FBN1: variants seen among roughly 807,000 people sequenced by gnomAD.
FBN1 encodes fibrillin-1.
In FBN1, 29 loss-of-function variants were observed where a neutral mutation model predicts 365.1. That is an observed-to-expected ratio of 0.08 (90% CI 0.06 to 0.11). The LOEUF is 0.11. Ranked by LOEUF, FBN1 falls within the 10% of genes least tolerant of loss-of-function variation. The probability of loss-of-function intolerance (pLI) is 1.00; values close to 1 mark genes in which losing one functional copy is unlikely to be tolerated. For missense variants in FBN1, 2,476 were observed against 3,703.2 expected, an observed-to-expected ratio of 0.67 and a Z score of 8.60; for synonymous variants, 1,210 against 1,270.5, an observed-to-expected ratio of 0.95 and a Z score of 1.01.
chr15:48,499,672 C>T (rs2043638536), intron 17 of FBN1, among the ~76,000 whole-genome samples: 1 of 152,072 alleles, frequency 6.6e-6, no homozygotes. Context: ...AATATGTCCC[C>T]AAATTTGAGA....
intron 2 of FBN1, among the ~76,000 whole-genome samples, chr15:48,621,280 G>A (rs1889760454): frequency 6.6e-6 from 1 of 152,130 alleles, no homozygotes; most frequent in Admixed American, 6.5e-5. Flanking sequence ...AAAGGGAGGG[G>A]GAGGAAGTGG....
At chr15:48,478,526 T>C (rs1043519474) in intron 32 of FBN1, among the ~76,000 whole-genome samples, 5 of 152,000 alleles carry the variant, frequency 3.3e-5, no homozygotes, top group Non-Finnish European at 5.9e-5. Context: ...GGTAGGGTCT[T>C]AAAATTAGCT....
intron 6 of FBN1, among the ~76,000 whole-genome samples, chr15:48,549,432 C>T (rs1166601451): frequency 1.3e-5 from 2 of 152,164 alleles, no homozygotes. Flanking sequence ...GGGATAGAGA[C>T]CAGCTGGCTC....
At chr15:48,426,306 GGTTTTTT>G (rs949707642) in intron 58 of FBN1, among the ~76,000 whole-genome samples, 5 of 152,000 alleles carry the variant, frequency 3.3e-5, no homozygotes, top group South Asian at 2.1e-4. Context: ...AAATAAGTAA[GGTTTTTT>G]GTTTTTTGTT....
chr15:48,465,895 T>C, intron 38 of FBN1, 37 bp from the exon 39 acceptor site: 1 of 1,447,332 alleles, frequency 6.9e-7, no homozygotes, highest in Non-Finnish European at 9.7e-7. Context: ...TTGTTTTGAA[T>C]CTAAAGTTTT....
intron 30 of FBN1, 47 bp from the exon 31 acceptor site, chr15:48,483,990 A>G (rs780214108): frequency 3.1e-6 from 5 of 1,602,382 alleles, no homozygotes; most frequent in Non-Finnish European, 3.4e-6. Flanking sequence ...TATTGGTTCC[A>G]CTGTTCAGTG....
intron 6 of FBN1, among the ~76,000 whole-genome samples, chr15:48,540,350 GTGTTT>G (rs1178427658): frequency 1.3e-5 from 2 of 152,086 alleles, no homozygotes; most frequent in Admixed American, 1.3e-4. Flanking sequence ...ATGCATGTGT[GTGTTT>G]TATTTTTTTA....
chr15:48,426,939 T>C (rs2042983509), intron 58 of FBN1, among the ~76,000 whole-genome samples: 2 of 152,076 alleles, frequency 1.3e-5, no homozygotes, highest in Admixed American at 6.6e-5. Flanking sequence ...CACTTCTAAT[T>C]CCCTCCCAAG....
chr15:48,487,427 C>T lies in FBN1; in HGVS notation c.3348G>A (p.Glu1116=), dbSNP rs1183230087. ...GGCATAGGAGAGGATCTCTCTGACA[C>T]TCATCAATATCTGCAAAATGGAAAT... is the stretch of plus-strand genomic sequence containing the variant. ...MMMKNCMDID[E]CQRDPLLCRG... is the part of the protein sequence containing the mutation. Residue 1116 remains glutamate (E), a synonymous_variant, in exon 28 of 66, where the codon GAG becomes GAA. Transcript: ENST00000316623. 1 of 1,613,894 alleles carries T rather than the reference C, an allele frequency of 6.2e-7. No individual in the cohort carries two copies. The highest frequency in any genetic ancestry group is 8.5e-7 in the Non-Finnish European group (1 of 1,180,002).
At chr15:48,625,044 G>A (rs1484872830) in intron 2 of FBN1, among the ~76,000 whole-genome samples, 1 of 152,192 alleles carries the variant, frequency 6.6e-6, no homozygotes, top group Admixed American at 6.5e-5. Flanking sequence ...TCAGACTTAG[G>A]AGAAAGAAAG....
chr15:48,597,923 G>A (rs1248453255), intron 5 of FBN1, among the ~76,000 whole-genome samples: 4 of 152,174 alleles, frequency 2.6e-5, no homozygotes, highest in African/African-American at 9.7e-5. Flanking sequence ...TTGGGCATTG[G>A]GCTAAACTCC....
chr15:48,460,081 C>T (rs75308823), intron 43 of FBN1, among the ~76,000 whole-genome samples, 165 bp downstream of exon 43: 3,471 of 152,288 alleles, frequency 0.023, 67 homozygotes, highest in East Asian at 0.084. Flanking sequence ...TGGAGCTGCA[C>T]AGGGTGTTTG....
intron 63 of FBN1, 139 bp downstream of exon 63, chr15:48,420,548 G>C: frequency 9.5e-7 from 1 of 1,054,670 alleles, no homozygotes; most frequent in Non-Finnish European, 1.4e-6. Context: ...TACTTACCTC[G>C]GGTTTCAACC....
intron 9 of FBN1, among the ~76,000 whole-genome samples, 168 bp downstream of exon 9, chr15:48,525,962 G>T (rs1473488174): frequency 6.6e-6 from 1 of 152,126 alleles, no homozygotes; most frequent in African/African-American, 2.4e-5. Flanking sequence ...TGACCACAAG[G>T]TGCCTCTGTT....
chr15:48,457,510 GGCT>G (rs2043250175), intron 43 of FBN1, among the ~76,000 whole-genome samples: 1 of 152,142 alleles, frequency 6.6e-6, no homozygotes, highest in Non-Finnish European at 1.5e-5. Context: ...CCAGGATCCA[GGCT>G]GCTAAGGCAG....
At chr15:48,439,060 C>T (rs898979613) in intron 50 of FBN1, among the ~76,000 whole-genome samples, 1 of 152,194 alleles carries the variant, frequency 6.6e-6, no homozygotes, top group African/African-American at 2.4e-5. Flanking sequence ...ACCACCTAAG[C>T]ACTTCTGTTA....
chr15:48,563,266 G>A (rs1306794472), intron 6 of FBN1, among the ~76,000 whole-genome samples: 3 of 152,064 alleles, frequency 2.0e-5, no homozygotes, highest in African/African-American at 7.2e-5. Flanking sequence ...GAGACTTTTA[G>A]GTAAATATTT....
intron 18 of FBN1, among the ~76,000 whole-genome samples, chr15:48,498,602 A>G (rs897697974): frequency 6.6e-6 from 1 of 152,222 alleles, no homozygotes; most frequent in African/African-American, 2.4e-5. Flanking sequence ...TTCAGAATGC[A>G]GATGGAGAAT....
At chr15:48,624,196 G>A (rs1889827521) in intron 2 of FBN1, among the ~76,000 whole-genome samples, 1 of 152,170 alleles carries the variant, frequency 6.6e-6, no homozygotes, top group Non-Finnish European at 1.5e-5. Context: ...GAACCATGAA[G>A]ACCAGAGGCA....
Sources: gnomAD v4.1 joint callset for allele counts (sites outside exome capture counted in the v4.1 genomes callset) on GRCh38, gnomAD v4.1.1 for gene constraint, MANE v1.5 for transcripts, NCBI Gene and HGNC (gene_info 2026-07-23, HGNC 2026-07-21) for gene names.